The following TAFA4 variants were observed in gnomAD, a reference collection of about 807,000 sequenced individuals.
TAFA4 encodes TAFA chemokine like family member 4.
TAFA4 carries 20 observed loss-of-function variants against 21.1 expected under a neutral mutation model. The ratio of observed to expected loss-of-function variants is 0.95; its 90% CI spans 0.67 to 1.38. The LOEUF is 1.38. Ranked by LOEUF, TAFA4 falls within the 40% of genes most tolerant of loss-of-function variation. TAFA4 has a pLI of 0.00. For synonymous variants in TAFA4, 71 were observed against 67.4 expected (o/e 1.05, Z -0.26); for missense variants, 211 against 180.9 (o/e 1.17, Z -0.95).
intron 3 of TAFA4, among the ~76,000 whole-genome samples, chr3:68,846,699 T>A (rs1306932781): frequency 2.6e-5 from 4 of 152,196 alleles, no homozygotes. Flanking sequence ...TTGGATGGGC[T>A]TTCTGTGTGG....
At chr3:68,826,324 A>G (rs749142911) in intron 3 of TAFA4, among the ~76,000 whole-genome samples, 31 of 152,208 alleles carry the variant, frequency 2.0e-4, no homozygotes, top group Non-Finnish European at 3.5e-4. Context: ...CTGTAATCCC[A>G]ACACTTTGGG....
At chr3:68,774,705 G>A (rs1703019537) in intron 3 of TAFA4, among the ~76,000 whole-genome samples, 1 of 152,114 alleles carries the variant, frequency 6.6e-6, no homozygotes, top group Admixed American at 6.5e-5. Context: ...GAATTTTAAT[G>A]TAAAATAATA....
At chr3:68,775,472 C>G (rs1240417268) in intron 3 of TAFA4, among the ~76,000 whole-genome samples, 1 of 152,116 alleles carries the variant, frequency 6.6e-6, no homozygotes, top group Non-Finnish European at 1.5e-5. Context: ...AAGCCCCACC[C>G]TTGGAAGCAG....
intron 3 of TAFA4, among the ~76,000 whole-genome samples, chr3:68,776,268 TC>T (rs1703048907): frequency 6.6e-6 from 1 of 152,056 alleles, no homozygotes; most frequent in African/African-American, 2.4e-5. Flanking sequence ...ATATATGCTA[TC>T]TATAAGAGGT....
chr3:68,927,366 T>A (rs1479390049), intron 1 of TAFA4, among the ~76,000 whole-genome samples: 2 of 152,140 alleles, frequency 1.3e-5, no homozygotes, highest in African/African-American at 4.8e-5. Flanking sequence ...ATGGCACAGA[T>A]GTGAAACTAA....
At chr3:68,868,548 T>G (rs941589153) in intron 3 of TAFA4, among the ~76,000 whole-genome samples, 1 of 151,980 alleles carries the variant, frequency 6.6e-6, no homozygotes, top group Admixed American at 6.6e-5. Context: ...TGATATCAAG[T>G]ATTTTTTTCT....
intron 3 of TAFA4, among the ~76,000 whole-genome samples, chr3:68,776,018 A>T (rs1330152520): frequency 6.6e-6 from 1 of 152,186 alleles, no homozygotes; most frequent in Non-Finnish European, 1.5e-5. Flanking sequence ...TTATGTTTAA[A>T]AATGAAGGCA....
chr3:68,809,396 T>G (rs1161640339), intron 3 of TAFA4, among the ~76,000 whole-genome samples: 1 of 152,226 alleles, frequency 6.6e-6, no homozygotes, highest in African/African-American at 2.4e-5. Context: ...AGTATGGGAA[T>G]AGTTACTTGT....
intron 1 of TAFA4, among the ~76,000 whole-genome samples, chr3:68,928,638 G>A (rs1056046132): frequency 6.6e-6 from 1 of 152,170 alleles, no homozygotes; most frequent in Non-Finnish European, 1.5e-5. Flanking sequence ...ACCCAAGCTA[G>A]CTGGTGTATA....
intron 3 of TAFA4, among the ~76,000 whole-genome samples, chr3:68,827,587 A>G (rs555929418): frequency 4.6e-5 from 7 of 152,330 alleles, no homozygotes; most frequent in Non-Finnish European, 7.4e-5. Flanking sequence ...TCTAACTGGC[A>G]AGAGATGGTA....
intron 2 of TAFA4, among the ~76,000 whole-genome samples, chr3:68,884,413 A>C (rs1476196681): frequency 1.3e-5 from 2 of 152,176 alleles, no homozygotes; most frequent in Non-Finnish European, 2.9e-5. Flanking sequence ...AGAAGGGTCC[A>C]CTGTGGTTCT....
intron 3 of TAFA4, among the ~76,000 whole-genome samples, chr3:68,848,541 C>G (rs911986001): frequency 6.6e-6 from 1 of 152,282 alleles, no homozygotes; most frequent in South Asian, 2.1e-4. Context: ...ACAGCCTTTC[C>G]AGGGTCCATG....
At chr3:68,745,940 G>T (rs1339309287) in intron 4 of TAFA4, among the ~76,000 whole-genome samples, 1 of 152,190 alleles carries the variant, frequency 6.6e-6, no homozygotes, top group Non-Finnish European at 1.5e-5. Context: ...GTTGCCAAAG[G>T]AGATTAACAT....
intron 3 of TAFA4, among the ~76,000 whole-genome samples, chr3:68,773,792 CAGATGA>C (rs1403812734): frequency 1.3e-5 from 2 of 152,030 alleles, no homozygotes; most frequent in East Asian, 3.9e-4. Flanking sequence ...TTTCGTTTGA[CAGATGA>C]AGATTAAGAG....
intron 1 of TAFA4, among the ~76,000 whole-genome samples, chr3:68,924,684 A>G (rs1461109920): frequency 1.3e-5 from 2 of 152,228 alleles, no homozygotes; most frequent in South Asian, 4.1e-4. Flanking sequence ...ACCCAGCAAC[A>G]TCCTTACTCA....
At chr3:68,737,986 G>A (rs1702274881) in intron 5 of TAFA4, among the ~76,000 whole-genome samples, 1 of 152,080 alleles carries the variant, frequency 6.6e-6, no homozygotes, top group Non-Finnish European at 1.5e-5. Context: ...GGACTAGCAG[G>A]GAAAGCAAAA....
At chr3:68,798,361 C>T (rs1388802201) in intron 3 of TAFA4, among the ~76,000 whole-genome samples, 1 of 152,164 alleles carries the variant, frequency 6.6e-6, no homozygotes, top group Non-Finnish European at 1.5e-5. Flanking sequence ...ATGGCTTCCT[C>T]TCTTCAACAA....
At chr3:68,900,322 G>A (rs1166816315) in intron 1 of TAFA4, among the ~76,000 whole-genome samples, 2 of 149,092 alleles carry the variant, frequency 1.3e-5, no homozygotes, top group African/African-American at 2.5e-5. Context: ...AAGCTGCCTG[G>A]AAACCATTAA....
intron 3 of TAFA4, among the ~76,000 whole-genome samples, chr3:68,875,228 GT>G (rs560801762): frequency 0.013 from 1,848 of 142,214 alleles, 17 homozygotes; most frequent in African/African-American, 0.031. Flanking sequence ...CAAACTTCCA[GT>G]TTTTTTTTTT....
Sources: gnomAD v4.1 joint callset for allele counts (sites outside exome capture counted in the v4.1 genomes callset) on GRCh38, gnomAD v4.1.1 for gene constraint, MANE v1.5 for transcripts, NCBI Gene and HGNC (gene_info 2026-07-23, HGNC 2026-07-21) for gene names.